The following CADM2 variants were observed in gnomAD, a reference collection of about 807,000 sequenced individuals.
CADM2 encodes the protein immunoglobulin superfamily member 4D.
CADM2 carries 12 observed loss-of-function variants against 49.8 expected under a neutral mutation model. That is an observed-to-expected ratio of 0.24 (90% CI 0.15 to 0.39). The LOEUF is 0.39. CADM2 is among the 10% of genes least tolerant of loss of function. The pLI, the probability that CADM2 is intolerant of heterozygous loss-of-function variation, is 1.00. For synonymous variants in CADM2, 214 were observed against 175.4 expected, an observed-to-expected ratio of 1.22 and a Z score of -1.74; for missense variants, 378 against 492.3, an observed-to-expected ratio of 0.77 and a Z score of 2.20.
chr3:85,766,616 T>C (rs955128820), intron 2 of CADM2, among the ~76,000 whole-genome samples: 3 of 152,218 alleles, frequency 2.0e-5, no homozygotes, highest in Non-Finnish European at 2.9e-5. Context: ...ATTTTGCTCT[T>C]GCAATTGCAT....
chr3:85,773,988 T>C (rs1003034560), intron 2 of CADM2, among the ~76,000 whole-genome samples: 2 of 152,030 alleles, frequency 1.3e-5, no homozygotes, highest in Non-Finnish European at 2.9e-5. Context: ...TGGAGGCTGA[T>C]ACTTTTTGCT....
intron 8 of CADM2, among the ~76,000 whole-genome samples, chr3:86,016,901 G>T (rs866441388): frequency 1.3e-5 from 2 of 151,730 alleles, no homozygotes; most frequent in South Asian, 2.1e-4. Flanking sequence ...TTCAACAAAA[G>T]AATTATTTTA....
At chr3:85,505,670 T>A (rs1217772266) in intron 1 of CADM2, among the ~76,000 whole-genome samples, 1 of 152,168 alleles carries the variant, frequency 6.6e-6, no homozygotes, top group Non-Finnish European at 1.5e-5. Context: ...TAGAGATATA[T>A]TACATTCTAT....
At chr3:85,800,855 C>A (rs2071978157) in intron 2 of CADM2, 1 of 152,378 alleles carries the variant, frequency 6.6e-6, no homozygotes, top group South Asian at 2.1e-4. Context: ...CCTATTTGGC[C>A]ATCTGGCCGG....
At chr3:85,503,811 A>G (rs1173757009) in intron 1 of CADM2, among the ~76,000 whole-genome samples, 1 of 152,252 alleles carries the variant, frequency 6.6e-6, no homozygotes, top group Non-Finnish European at 1.5e-5. Flanking sequence ...CCTAAGCAAC[A>G]CAATGAATGA....
intron 2 of CADM2, among the ~76,000 whole-genome samples, chr3:85,778,165 A>C (rs570528182): frequency 6.6e-6 from 1 of 152,144 alleles, no homozygotes; most frequent in African/African-American, 2.4e-5. Flanking sequence ...TAGTCTGTTT[A>C]TATTATTTTG....
intron 1 of CADM2, among the ~76,000 whole-genome samples, chr3:85,612,538 C>G (rs182659913): frequency 1.3e-5 from 2 of 151,760 alleles, no homozygotes; most frequent in Admixed American, 1.3e-4. Flanking sequence ...TTCATACATA[C>G]CTTAGCAGTT....
chr3:85,845,120 C>T lies in CADM2; in HGVS notation c.239-38171C>T, dbSNP rs2074818512. Among the ~76,000 whole-genome samples, 3 of 140,858 alleles carry T rather than the reference C, an allele frequency of 2.1e-5. No homozygotes were observed. In the Admixed American group the frequency reaches 2.2e-4, roughly 10 times the overall value. 92.4% of individuals were successfully genotyped at this position (140,858 alleles called of 152,430 possible). ...GGAGTGAGCCATGATTGAGCCACTG[C>T]ACTTCAGCCTGAGTGACAAACTGAG... is the stretch of plus-strand genomic sequence containing the variant. On this transcript the variant is annotated intron_variant, in intron 3 of 9. Transcript: ENST00000383699.
chr3:85,663,821 T>A (rs2065481502), intron 1 of CADM2, among the ~76,000 whole-genome samples: 1 of 152,020 alleles, frequency 6.6e-6, no homozygotes, highest in Non-Finnish European at 1.5e-5. Context: ...ACAAAGATCC[T>A]CAAAAGAGTG....
chr3:85,226,531 G>A (rs936656405), intron 1 of CADM2, among the ~76,000 whole-genome samples: 6 of 151,634 alleles, frequency 4.0e-5, no homozygotes, highest in African/African-American at 2.4e-5. Flanking sequence ...TTATTAGTCT[G>A]GCTAGTGGTC....
intron 3 of CADM2, among the ~76,000 whole-genome samples, chr3:85,860,185 T>G (rs1284882503): frequency 6.6e-6 from 1 of 152,170 alleles, no homozygotes; most frequent in East Asian, 1.9e-4. Flanking sequence ...TTTACATACT[T>G]AGTAGCAAAT....
At chr3:85,572,099 C>A (rs1242453569) in intron 1 of CADM2, among the ~76,000 whole-genome samples, 1 of 152,008 alleles carries the variant, frequency 6.6e-6, no homozygotes, top group Non-Finnish European at 1.5e-5. Flanking sequence ...GAAGTTGAGA[C>A]CAGCCTGACC....
chr3:85,319,950 T>G (rs2107096964), intron 1 of CADM2, among the ~76,000 whole-genome samples: 1 of 152,344 alleles, frequency 6.6e-6, no homozygotes, highest in East Asian at 1.9e-4. Flanking sequence ...TCATTTATTC[T>G]TCTTCAGTCC....
chr3:85,539,081 C>A (rs1242671927), intron 1 of CADM2, among the ~76,000 whole-genome samples: 1 of 151,264 alleles, frequency 6.6e-6, no homozygotes, highest in Non-Finnish European at 1.5e-5. Context: ...ACAAACATAA[C>A]CTTCTCGGTT....
intron 8 of CADM2, among the ~76,000 whole-genome samples, chr3:85,974,970 A>G (rs1369794804): frequency 6.6e-6 from 1 of 151,622 alleles, no homozygotes; most frequent in Non-Finnish European, 1.5e-5. Flanking sequence ...ATATCTTGGA[A>G]TCTTTACTTT....
chr3:85,586,805 A>T (rs2062958204), intron 1 of CADM2, among the ~76,000 whole-genome samples: 1 of 152,114 alleles, frequency 6.6e-6, no homozygotes, highest in African/African-American at 2.4e-5. Flanking sequence ...ATTACAAAAG[A>T]GAAAAGTATC....
intron 1 of CADM2, among the ~76,000 whole-genome samples, chr3:85,373,108 A>G (rs930619504): frequency 6.6e-6 from 1 of 152,150 alleles, no homozygotes; most frequent in Non-Finnish European, 1.5e-5. Context: ...TCATTTCAGC[A>G]TTAACTCAAA....
intron 1 of CADM2, among the ~76,000 whole-genome samples, chr3:85,450,600 G>T (rs1375211881): frequency 1.3e-5 from 2 of 151,838 alleles, no homozygotes; most frequent in East Asian, 3.8e-4. Flanking sequence ...ATTTTGAAAT[G>T]AAAAAATATA....
chr3:85,087,543 T>C (rs1000112697), intron 1 of CADM2, among the ~76,000 whole-genome samples: 8 of 152,172 alleles, frequency 5.3e-5, no homozygotes, highest in African/African-American at 1.7e-4. Flanking sequence ...ATTCAGTTTA[T>C]TTCGAATTTT....
Sources: gnomAD v4.1 joint callset for allele counts (sites outside exome capture counted in the v4.1 genomes callset) on GRCh38, gnomAD v4.1.1 for gene constraint, MANE v1.5 for transcripts, NCBI Gene and HGNC (gene_info 2026-07-23, HGNC 2026-07-21) for gene names.